Variants in ABTB2 observed in about 807,000 individuals in gnomAD.
ABTB2 encodes ankyrin repeat and BTB domain containing 2.
In ABTB2, 56 loss-of-function variants were observed where a neutral mutation model predicts 104.1. The ratio of observed to expected loss-of-function variants is 0.54; its 90% confidence interval spans 0.43 to 0.67. The LOEUF is 0.67. Among genes scored for constraint, ABTB2 ranks in the 30% least tolerant of loss-of-function variants. The pLI is 0.00. For missense variants in ABTB2, 1,279 were observed against 1,407.7 expected (o/e 0.91, Z 1.46); for synonymous variants, 606 against 608.2 (o/e 1.00, Z 0.05).
intron 11 of ABTB2, 136 bp from the exon 12 acceptor site, chr11:34,160,489 C>G (rs1238567569): frequency 1.5e-6 from 1 of 678,774 alleles, no homozygotes. Context: ...CTGGATGTGG[C>G]TTGGCAAGAG....
chr11:34,285,429 A>G (rs2133089473), intron 1 of ABTB2, among the ~76,000 whole-genome samples: 1 of 152,218 alleles, frequency 6.6e-6, no homozygotes, highest in South Asian at 2.1e-4. Flanking sequence ...CCAACGGAAA[A>G]CAGGGTGGCC....
chr11:34,304,154 G>T (rs1410376338), intron 1 of ABTB2, among the ~76,000 whole-genome samples: 2 of 152,176 alleles, frequency 1.3e-5, no homozygotes, highest in East Asian at 1.9e-4. Context: ...TATGCTATCT[G>T]CCCATTGGTG....
At chr11:34,187,740 C>T (rs756107990) in intron 3 of ABTB2, among the ~76,000 whole-genome samples, 9 of 152,140 alleles carry the variant, frequency 5.9e-5, no homozygotes, top group Admixed American at 1.3e-4. Context: ...CCTCCCACCT[C>T]AACCTCCCAA....
At chr11:34,256,997 T>A (rs1407527232) in intron 1 of ABTB2, among the ~76,000 whole-genome samples, 1 of 152,222 alleles carries the variant, frequency 6.6e-6, no homozygotes, top group East Asian at 1.9e-4. Flanking sequence ...CCACTCATAG[T>A]AGTCAAATGC....
intron 1 of ABTB2, among the ~76,000 whole-genome samples, chr11:34,291,571 C>T (rs1352660204): frequency 6.6e-6 from 1 of 152,218 alleles, no homozygotes; most frequent in Admixed American, 6.5e-5. Context: ...TCTTGGCTCA[C>T]TGCAACTTCT....
intron 1 of ABTB2, among the ~76,000 whole-genome samples, chr11:34,314,606 A>G (rs1277959523): frequency 1.3e-5 from 2 of 152,074 alleles, no homozygotes; most frequent in African/African-American, 4.8e-5. Flanking sequence ...TGAGAGGAGG[A>G]CACTGAGGCT....
At chr11:34,219,370 C>A (rs889146695) in intron 1 of ABTB2, among the ~76,000 whole-genome samples, 1 of 152,034 alleles carries the variant, frequency 6.6e-6, no homozygotes, top group Non-Finnish European at 1.5e-5. Flanking sequence ...CATGGCAAGA[C>A]CCTGTCTCTA....
At chr11:34,298,755 C>T (rs1218343512) in intron 1 of ABTB2, among the ~76,000 whole-genome samples, 1 of 152,176 alleles carries the variant, frequency 6.6e-6, no homozygotes, top group African/African-American at 2.4e-5. Context: ...AGCAACAGCA[C>T]CCAGCCTAAA....
At chr11:34,334,017 A>G (rs1364110731) in intron 1 of ABTB2, among the ~76,000 whole-genome samples, 7 of 43,286 alleles carry the variant, frequency 1.6e-4, no homozygotes, top group African/African-American at 1.9e-4. Context: ...GCCACAGGTG[A>G]AAAAAAAAAA....
intron 9 of ABTB2, 25 bp from the exon 10 acceptor site, chr11:34,162,830 G>C (rs1852742135): frequency 6.3e-7 from 1 of 1,578,956 alleles, no homozygotes; most frequent in Non-Finnish European, 8.6e-7. Context: ...ATGAATGAAG[G>C]TGAGGGCTGA....
At chr11:34,310,082 A>G (rs573361837) in intron 1 of ABTB2, among the ~76,000 whole-genome samples, 2 of 152,308 alleles carry the variant, frequency 1.3e-5, no homozygotes, top group East Asian at 3.9e-4. Context: ...ATCGCCCTGC[A>G]TCTAAAAGGG....
intron 1 of ABTB2, among the ~76,000 whole-genome samples, chr11:34,233,138 T>C (rs2467370): frequency 0.021 from 3,121 of 152,230 alleles, 83 homozygotes; most frequent in African/African-American, 0.062. Flanking sequence ...CGCTTCCTGC[T>C]AACAGTCCAC....
intron 1 of ABTB2, among the ~76,000 whole-genome samples, chr11:34,237,339 G>A (rs1056259471): frequency 4.2e-5 from 6 of 143,456 alleles, no homozygotes; most frequent in African/African-American, 1.6e-4. Flanking sequence ...GGGCAGTGGC[G>A]CCATCTCAGC....
At chr11:34,270,332 C>T (rs970679019) in intron 1 of ABTB2, among the ~76,000 whole-genome samples, 8 of 149,420 alleles carry the variant, frequency 5.4e-5, no homozygotes, top group East Asian at 3.9e-4. Context: ...CCACTGTAGA[C>T]GGTTTTCCTT....
At chr11:34,163,708 GCTC>G (rs1487682515) in intron 9 of ABTB2, among the ~76,000 whole-genome samples, 1 of 152,212 alleles carries the variant, frequency 6.6e-6, no homozygotes, top group Non-Finnish European at 1.5e-5. Context: ...CCTCCCAAGG[GCTC>G]CTCCTCACGT....
intron 3 of ABTB2, among the ~76,000 whole-genome samples, chr11:34,190,045 G>A (rs1853152238): frequency 6.6e-6 from 1 of 152,188 alleles, no homozygotes; most frequent in Non-Finnish European, 1.5e-5. Flanking sequence ...TTTGAGACCA[G>A]CCTGGCCAAC....
At chr11:34,305,003 T>C (rs1409659455) in intron 1 of ABTB2, among the ~76,000 whole-genome samples, 1 of 152,200 alleles carries the variant, frequency 6.6e-6, no homozygotes, top group East Asian at 1.9e-4. Context: ...CACATGCAAT[T>C]TGTGCTGACA....
rs528981263 is a variant in ABTB2, at chr11:34,221,106, A to T, written c.884-16416T>A. The stretch of plus-strand genomic sequence containing the variant: ...TGCCTCAGCCTCCAGAGTAGCTGGG[A>T]CTACAAGCCATGCGCCACCACGCCC... On this transcript the variant is annotated intron_variant, in intron 1 of 16. Transcript: ENST00000435224. 9.9e-5 allele frequency among the ~76,000 whole-genome samples: 15 copies of T among 151,988 alleles called. No homozygotes were observed. The East Asian group carries it at 2.7e-3, about 27-fold the overall frequency.
At chr11:34,202,825 C>T (rs922256818) in intron 2 of ABTB2, among the ~76,000 whole-genome samples, 2 of 150,656 alleles carry the variant, frequency 1.3e-5, no homozygotes, top group African/African-American at 4.8e-5. Flanking sequence ...GGTGACAGAG[C>T]GAGACTCCAT....
Sources: gnomAD v4.1 joint callset for allele counts (sites outside exome capture counted in the v4.1 genomes callset) on GRCh38, gnomAD v4.1.1 for gene constraint, MANE v1.5 for transcripts, NCBI Gene and HGNC (gene_info 2026-07-23, HGNC 2026-07-21) for gene names.